The following ASIC2 variants were observed in gnomAD, a reference collection of about 807,000 sequenced individuals.
ASIC2 encodes acid-sensing ion channel 2.
A neutral mutation model predicts 57.3 loss-of-function variants in ASIC2; 25 were observed. The observed-to-expected ratio is 0.44, with a 90% CI of 0.32 to 0.61. ASIC2 has a LOEUF of 0.61. Among genes scored for constraint, ASIC2 ranks in the 20% least tolerant of loss-of-function variants. The pLI is 0.06. For missense variants in ASIC2, 641 were observed against 738.1 expected (o/e 0.87, Z 1.52); for synonymous variants, 319 against 307.5 (o/e 1.04, Z -0.39).
intron 1 of ASIC2, chr17:34,001,610 C>T (rs1392568715): frequency 6.6e-6 from 1 of 152,458 alleles, no homozygotes; most frequent in Admixed American, 6.5e-5. Context: ...GCTGTCTGAT[C>T]TGGCCTGGAG....
intron 1 of ASIC2, among the ~76,000 whole-genome samples, chr17:33,617,554 T>C (rs1184882992): frequency 1.3e-5 from 2 of 152,126 alleles, no homozygotes; most frequent in Non-Finnish European, 2.9e-5. Context: ...GGTATTATGC[T>C]TACTACCTGG....
chr17:33,209,112 G>A (rs1449650603), intron 1 of ASIC2, among the ~76,000 whole-genome samples: 3 of 152,196 alleles, frequency 2.0e-5, no homozygotes, highest in Admixed American at 2.0e-4. Context: ...CAGAACTCAA[G>A]CCTCGAAGCC....
intron 1 of ASIC2, among the ~76,000 whole-genome samples, chr17:34,014,874 C>G (rs187079231): frequency 4.5e-4 from 66 of 147,106 alleles, no homozygotes; most frequent in African/African-American, 1.6e-3. Flanking sequence ...CCTTAATCCT[C>G]TTGGAAATAA....
chr17:33,153,136 G>C lies in ASIC2; in HGVS notation c.709-41069C>G, dbSNP rs548371316. Among the ~76,000 whole-genome samples, 4 of 152,326 alleles carry C rather than the reference G, an allele frequency of 2.6e-5. No individual in the cohort carries two copies. In the South Asian group the frequency reaches 6.2e-4, roughly 24 times the overall value. ...AGATGGGATGGTCATCCCCATTGCAGAGATGAGGAAACAGTCTCAGAATTG... is the reference window on the plus strand; with the variant it reads ...AGATGGGATGGTCATCCCCATTGCACAGATGAGGAAACAGTCTCAGAATTG... On this transcript the variant is annotated intron_variant, in intron 1 of 9. Coordinates refer to ENST00000225823, the MANE Select transcript of ASIC2 (RefSeq NM_183377.2).
intron 1 of ASIC2, among the ~76,000 whole-genome samples, chr17:33,764,032 G>A (rs190346502): frequency 8.5e-4 from 130 of 152,218 alleles, no homozygotes; most frequent in African/African-American, 2.9e-4. Context: ...CGTGGCTCGC[G>A]CCTGTAATCC....
At chr17:33,392,357 G>A (rs1212338799) in intron 1 of ASIC2, among the ~76,000 whole-genome samples, 2 of 151,468 alleles carry the variant, frequency 1.3e-5, no homozygotes, top group Non-Finnish European at 2.9e-5. Context: ...ACCATCTACT[G>A]AGTTGAATAG....
At chr17:33,282,453 A>ACGTGTGTG (rs1555592641) in intron 1 of ASIC2, among the ~76,000 whole-genome samples, 1 of 147,454 alleles carries the variant, frequency 6.8e-6, no homozygotes, top group Non-Finnish European at 1.5e-5. Context: ...CTCTGTGTGT[A>ACGTGTGTG]TGTGTGTGTG....
intron 1 of ASIC2, among the ~76,000 whole-genome samples, chr17:34,020,237 A>G (rs1349654094): frequency 1.3e-5 from 2 of 152,214 alleles, no homozygotes; most frequent in Admixed American, 6.5e-5. Context: ...CCTGGGCCAT[A>G]GTAGACCTGG....
chr17:33,742,108 A>C (rs1187591924), intron 1 of ASIC2, among the ~76,000 whole-genome samples: 1 of 152,220 alleles, frequency 6.6e-6, no homozygotes, highest in Non-Finnish European at 1.5e-5. Flanking sequence ...GAAGATGTGA[A>C]GGCCAGTTTC....
chr17:33,430,059 G>A (rs998201560), intron 1 of ASIC2, among the ~76,000 whole-genome samples: 1 of 152,122 alleles, frequency 6.6e-6, no homozygotes, highest in African/African-American at 2.4e-5. Context: ...CTAGCCTAGT[G>A]TTTTCTCCAG....
chr17:33,601,762 C>G, intron 1 of ASIC2, among the ~76,000 whole-genome samples: 1 of 152,200 alleles, frequency 6.6e-6, no homozygotes, highest in East Asian at 1.9e-4. Context: ...TGGATTGAGC[C>G]TAGCACAGCC....
intron 1 of ASIC2, among the ~76,000 whole-genome samples, chr17:33,387,783 G>A (rs796392997): frequency 2.9e-4 from 44 of 152,328 alleles, no homozygotes; most frequent in African/African-American, 1.0e-3. Context: ...CTTGAAATTT[G>A]CTAAGAGGGG....
intron 1 of ASIC2, among the ~76,000 whole-genome samples, chr17:34,126,911 G>A (rs542750582): frequency 7.2e-5 from 11 of 152,216 alleles, no homozygotes; most frequent in South Asian, 2.1e-4. Flanking sequence ...GCCCGGGCAC[G>A]TCCCTGGAAA....
intron 1 of ASIC2, among the ~76,000 whole-genome samples, chr17:33,313,284 C>T (rs1002321377): frequency 1.3e-5 from 2 of 150,862 alleles, no homozygotes; most frequent in South Asian, 2.1e-4. Flanking sequence ...CTATGATTGC[C>T]GTCACTGCAC....
intron 1 of ASIC2, among the ~76,000 whole-genome samples, chr17:33,601,443 G>A (rs965250404): frequency 6.6e-6 from 1 of 152,214 alleles, no homozygotes; most frequent in African/African-American, 2.4e-5. Context: ...TGCCCCAGCT[G>A]TGGCTCAGGC....
At chr17:33,463,476 C>A (rs944872713) in intron 1 of ASIC2, among the ~76,000 whole-genome samples, 1 of 152,208 alleles carries the variant, frequency 6.6e-6, no homozygotes, top group African/African-American at 2.4e-5. Context: ...TCACTACCCT[C>A]CAATATTTCC....
intron 1 of ASIC2, among the ~76,000 whole-genome samples, chr17:33,126,220 A>G (rs2092322471): frequency 6.6e-6 from 1 of 152,238 alleles, no homozygotes; most frequent in African/African-American, 2.4e-5. Context: ...GAAAGAGCAC[A>G]GGCTTTTTTA....
chr17:33,765,859 G>A (rs1183967126), intron 1 of ASIC2, among the ~76,000 whole-genome samples: 1 of 152,310 alleles, frequency 6.6e-6, no homozygotes, highest in East Asian at 1.9e-4. Context: ...CGTGGGCTCC[G>A]CTGTACCGCA....
chr17:33,838,356 G>A (rs1030266397), intron 1 of ASIC2, among the ~76,000 whole-genome samples: 5 of 152,162 alleles, frequency 3.3e-5, no homozygotes, highest in African/African-American at 1.2e-4. Flanking sequence ...TCCTGCTTGA[G>A]TGAATGACCA....
Sources: gnomAD v4.1 joint callset for allele counts (sites outside exome capture counted in the v4.1 genomes callset) on GRCh38, gnomAD v4.1.1 for gene constraint, MANE v1.5 for transcripts, NCBI Gene and HGNC (gene_info 2026-07-23, HGNC 2026-07-21) for gene names.